The following EIF4G1 variants were observed in gnomAD, a reference collection of about 807,000 sequenced individuals.
EIF4G1 encodes the protein eukaryotic translation initiation factor 4 gamma 1.
A neutral mutation model predicts 187.8 loss-of-function variants in EIF4G1; 4 were observed. That is an observed-to-expected ratio of 0.02 (90% CI 0.01 to 0.05). The LOEUF is 0.05. Ranked by LOEUF, EIF4G1 falls within the 10% of genes least tolerant of loss-of-function variation. EIF4G1 has a pLI of 1.00. For missense variants in EIF4G1, 1,647 were observed against 2,081.1 expected (o/e 0.79, Z 4.06); for synonymous variants, 844 against 781.4 (o/e 1.08, Z -1.34).
chr3:184,327,164 A>T (rs745416104), intron 23 of EIF4G1, 52 bp from the exon 24 acceptor site: 4 of 1,606,402 alleles, frequency 2.5e-6, no homozygotes, highest in Non-Finnish European at 2.6e-6. Context: ...GTGTAATTAC[A>T]TGAGTGCCTG....
At chr3:184,331,433 G>A in intron 29 of EIF4G1, 39 bp from the exon 30 acceptor site, 1 of 1,614,162 alleles carries the variant, frequency 6.2e-7, no homozygotes, top group Non-Finnish European at 8.5e-7. Context: ...TCTCCTGTTG[G>A]CAACCTTACC....
At chr3:184,320,252 A>G in intron 7 of EIF4G1, 2 of 1,218,250 alleles carry the variant, frequency 1.6e-6, no homozygotes, top group Non-Finnish European at 2.1e-6. Context: ...GGCTCCACCT[A>G]CTGGATCTGG....
chr3:184,317,499 T>TGAGGCTG lies in EIF4G1; in HGVS notation c.324+4_324+10dup. On this transcript the variant is annotated splice_region_variant and intron_variant, in intron 5 of 32. Coordinates refer to ENST00000346169, the MANE Select transcript of EIF4G1 (RefSeq NM_198241.3). The stretch of plus-strand genomic sequence containing the variant: ...GGGGCCTACTACATCCCTGGACAGG[T>TGAGGCTG]GAGGCTGGGGGCTTGGAGCCTAGAA... 6.2e-7 allele frequency: 1 copy of TGAGGCTG among 1,613,868 alleles called. No homozygotes were observed. Among genetic ancestry groups the TGAGGCTG allele is most frequent in the Non-Finnish European group, 8.5e-7 (1 of 1,179,934 alleles).
In EIF4G1 at chr3:184,328,000, A is replaced by C. The variant is rs1725267488; in HGVS notation, c.3951A>C (p.Gln1317His). The C allele has an allele frequency of 1.9e-6, 3 of 1,604,852 alleles. No individual in the cohort carries two copies. Among genetic ancestry groups the C allele is most frequent in the Admixed American group, 1.7e-5 (1 of 60,006 alleles). The change falls in exon 26 of 33, where the codon CAA (glutamine) becomes CAC (histidine). Residue 1317 changes from glutamine (Q) to histidine (H), a missense_variant and splice_region_variant. This residue lies in a region of EIF4G1 where 543 missense variants were observed against 638.0 expected (regional missense o/e 0.85). Coordinates refer to ENST00000346169, the MANE Select transcript of EIF4G1 (RefSeq NM_198241.3). ...ATCTGTCTACTGCTCAGTACTACCAAGGGTATGACCAGCTTCTCTGGGCCT... is the reference window on the plus strand; with the variant it reads ...ATCTGTCTACTGCTCAGTACTACCACGGGTATGACCAGCTTCTCTGGGCCT... ...AGHLSTAQYY[Q>H]GLYEILELAE... is the part of the protein sequence containing the mutation.
rs1724118320 is a variant in EIF4G1 at position 184,322,634 on chromosome 3, C to T, written c.1699C>T (p.Pro567Ser). 4.3e-6 allele frequency: 7 copies of T among 1,614,152 alleles called. No individual in the cohort carries two copies. Among genetic ancestry groups the T allele is most frequent in the Non-Finnish European group, 5.9e-6 (7 of 1,180,034 alleles). ...ESEGSGVPPR[P>S]EEADETWDSK... ...TGAGGGCAGTGGTGTGCCCCCACGT[C>T]CTGAGGAAGCAGATGAGACCTGGGA... Residue 567 changes from proline (P) to serine (S), a missense_variant, in exon 12 of 33, where the codon CCT becomes TCT. Physicochemically the swap from Pro to Ser is moderately conservative, Grantham distance 74 (BLOSUM62 -1). Transcript: ENST00000346169.
Position 184,316,143 on chromosome 3 carries a change from C to T in EIF4G1, c.72C>T (p.Pro24=). 10 of 1,614,168 alleles carry T rather than the reference C, an allele frequency of 6.2e-6. No individual in the cohort carries two copies. Among genetic ancestry groups the T allele is most frequent in the Non-Finnish European group, 8.5e-6 (10 of 1,180,022 alleles). ...TCTCCCCTCTTCAGCCAGCGTTTCC[C>T]CCGGGGCAGACAGCGCCGGTGGTGT... ...PSPGLPQPAF[P]PGQTAPVVFS... The change falls in exon 4 of 33, where the codon CCC becomes CCT. Residue 24 remains proline (P), a synonymous_variant. Transcript: ENST00000346169.
chr3:184,314,999 G>T (rs1230359708), intron 1 of EIF4G1, among the ~76,000 whole-genome samples: 1 of 151,228 alleles, frequency 6.6e-6, no homozygotes, highest in Non-Finnish European at 1.5e-5. Context: ...CAGGCACCAC[G>T]GCTCCCGGCC....
At chr3:184,333,325 G>C (rs2108526914) in intron 32 of EIF4G1, among the ~76,000 whole-genome samples, 1 of 152,266 alleles carries the variant, frequency 6.6e-6, no homozygotes, top group Non-Finnish European at 1.5e-5. Flanking sequence ...GGGGTATCTG[G>C]GTCCTTTTGG....
At position 184,325,126 on chromosome 3, in the gene EIF4G1, T is replaced by C. The variant is rs776125176; in HGVS notation, c.2856+12T>C. ...TTGAAAAAGCCAAGGTAGAGGTCCTTGCATCTGGAGGGGGATGGGCTGAAG... is the reference window on the plus strand; with the variant it reads ...TTGAAAAAGCCAAGGTAGAGGTCCTCGCATCTGGAGGGGGATGGGCTGAAG... On this transcript the variant is annotated intron_variant, in intron 18 of 32. Coordinates refer to ENST00000346169, the MANE Select transcript of EIF4G1 (RefSeq NM_198241.3). This position sits in a 1 kb window ranked among gnomAD's most constrained non-coding sequence, Gnocchi z 5.2. The C allele has an allele frequency of 1.9e-6, 3 of 1,613,438 alleles. No homozygotes were observed. The highest frequency in any genetic ancestry group is 2.5e-6 in the Non-Finnish European group (3 of 1,179,570).
chr3:184,329,970 CT>C (rs1219862396), intron 28 of EIF4G1, among the ~76,000 whole-genome samples: 11 of 152,176 alleles, frequency 7.2e-5, no homozygotes, highest in Admixed American at 1.3e-4. Context: ...TCATTTAATT[CT>C]TTTAAATAGA....
intron 1 of EIF4G1, 49 bp from the exon 2 acceptor site, chr3:184,315,440 G>T: frequency 1.8e-6 from 1 of 569,530 alleles, no homozygotes; most frequent in Non-Finnish European, 3.4e-6. Context: ...GGTCTGGTTG[G>T]TCTGGGGCCC....
rs1354541658 is a variant in EIF4G1 at position 184,319,726 on chromosome 3, T to C, written c.462T>C (p.Phe154=). Residue 154 remains phenylalanine (F), a synonymous_variant, in exon 7 of 33, where the codon TTT becomes TTC. Coordinates refer to ENST00000346169, the MANE Select transcript of EIF4G1 (RefSeq NM_198241.3). Reference sequence around the variant, plus strand: ...ATCCAGCCCAAGGGGTGCAGCAGTTTCCCACTGGCGTGGCCCCCACCCCAG... The same window carrying C: ...ATCCAGCCCAAGGGGTGCAGCAGTTCCCCACTGGCGTGGCCCCCACCCCAG... ...AYYPAQGVQQ[F]PTGVAPTPVL... 1 of 1,606,500 alleles carries C rather than the reference T, an allele frequency of 6.2e-7. No homozygotes were observed. Among genetic ancestry groups the C allele is most frequent in the Admixed American group, 1.7e-5 (1 of 58,664 alleles).
In EIF4G1 at chr3:184,331,498, G is replaced by T; in HGVS notation, c.4287G>T (p.Glu1429Asp). 3 of 1,614,216 alleles carry T rather than the reference G, an allele frequency of 1.9e-6. No individual in the cohort carries two copies. The highest frequency in any genetic ancestry group is 2.5e-6 in the Non-Finnish European group (3 of 1,180,040). Residue 1429 changes from glutamate (E) to aspartate (D), a missense_variant, in exon 30 of 33, where the codon GAG becomes GAT. Physicochemically the swap from Glu to Asp is conservative, Grantham distance 45 (BLOSUM62 2). Around this residue, in one of 11 missense-constraint regions of EIF4G1, gnomAD observed 543 missense variants for 638.0 expected, o/e 0.85. Transcript: ENST00000346169. Reference sequence around the variant, plus strand: ...AGGTGGAGTATACCCTGGGAGAGGAGTCGGAAGCCCCTGGCCAGAGGGCAC... The same window carrying T: ...AGGTGGAGTATACCCTGGGAGAGGATTCGGAAGCCCCTGGCCAGAGGGCAC... ...EQKVEYTLGE[E>D]SEAPGQRALP...
At position 184,322,593 on chromosome 3, in the gene EIF4G1, A is replaced by T. The variant is rs373335441; in HGVS notation, c.1658A>T (p.Asn553Ile). The change falls in exon 12 of 33, where the codon AAT (asparagine) becomes ATT (isoleucine). Residue 553 changes from asparagine (N) to isoleucine (I), a missense_variant. Physicochemically the swap from Asn to Ile is moderately radical, Grantham distance 149. Transcript: ENST00000346169. ...EVENQPPAGS[N>I]PGPESEGSGV... is the part of the protein sequence containing the mutation. ...GAAAATCAGCCTCCTGCAGGCAGCA[A>T]TCCAGGCCCAGAGTCTGAGGGCAGT... 2 of 1,614,084 alleles carry T rather than the reference A, an allele frequency of 1.2e-6. No homozygotes were observed. The highest frequency in any genetic ancestry group is 2.7e-5 in the African/African-American group (2 of 74,944).
Position 184,323,857 on chromosome 3 carries a change from G to C in EIF4G1, c.2352G>C (p.Thr784=). 6.2e-7 allele frequency: 1 copy of C among 1,614,200 alleles called. No homozygotes were observed. Among genetic ancestry groups the C allele is most frequent in the South Asian group, 1.1e-5 (1 of 91,078 alleles). The part of the protein sequence containing the change: ...QMFQQLMKQV[T]QLAIDTEERL... ...TCCAGCAGCTGATGAAGCAAGTGAC[G>C]CAGCTGGCCATCGACACCGAGGAAC... The change falls in exon 16 of 33, where the codon ACG becomes ACC. Residue 784 remains threonine (T), a synonymous_variant. Transcript: ENST00000346169. The surrounding 1 kb of genome is among the most constrained non-coding windows in gnomAD (Gnocchi z 6.9).
At chr3:184,317,559 C>T (rs1412895395) in intron 5 of EIF4G1, 62 bp downstream of exon 5, 1 of 1,598,330 alleles carries the variant, frequency 6.3e-7, no homozygotes, top group African/African-American at 1.3e-5. Context: ...TTAACTCACC[C>T]TGACCCTCCA....
chr3:184,323,207 G>A lies in EIF4G1; in HGVS notation c.2054G>A (p.Arg685Lys). Residue 685 changes from arginine (R) to lysine (K), a missense_variant, in exon 14 of 33, where the codon AGG becomes AAG. Coordinates refer to ENST00000346169, the MANE Select transcript of EIF4G1 (RefSeq NM_198241.3). This position sits in a 1 kb window ranked among gnomAD's most constrained non-coding sequence, Gnocchi z 6.9. ...RTTLSTRGPP[R>K]GGPGGELPRG... is the part of the protein sequence containing the mutation. Reference sequence around the variant, plus strand: ...ACCCTTAGCACCCGTGGGCCCCCAAGGGGTGGGCCAGGTGGGGAGCTGCCC... The same window carrying A: ...ACCCTTAGCACCCGTGGGCCCCCAAAGGGTGGGCCAGGTGGGGAGCTGCCC... 1 of 1,614,220 alleles carries A rather than the reference G, an allele frequency of 6.2e-7. No homozygotes were observed. The highest frequency in any genetic ancestry group is 8.5e-7 in the Non-Finnish European group (1 of 1,180,032).
In EIF4G1 at chr3:184,324,236, T is replaced by A. The variant is rs749210299; in HGVS notation, c.2508T>A (p.Thr836=). 5.6e-6 allele frequency: 9 copies of A among 1,614,238 alleles called. No individual in the cohort carries two copies. The South Asian group carries it at 9.9e-5, about 18-fold the overall frequency. The change falls in exon 17 of 33, where the codon ACT becomes ACA. Residue 836 remains threonine, a synonymous_variant. Transcript: ENST00000346169. ...KVPTTEKPTV[T]VNFRKLLLNR... ...CCACTACGGAAAAGCCAACAGTGAC[T>A]GTGAACTTCCGAAAGCTGTTGTTGA... is the stretch of plus-strand genomic sequence containing the variant.
At position 184,317,192 on chromosome 3, in the gene EIF4G1, G is replaced by A. The variant is rs1457863679; in HGVS notation, c.148-129G>A. On this transcript the variant is annotated intron_variant, in intron 4 of 32. Transcript: ENST00000346169. ...CTTAGCCATTTGGTCAAGTGGTCTTGGAAGGATTGGTCGCCATGTTCTGAA... is the reference window on the plus strand; with the variant it reads ...CTTAGCCATTTGGTCAAGTGGTCTTAGAAGGATTGGTCGCCATGTTCTGAA... The A allele has an allele frequency of 3.1e-5, 34 of 1,107,752 alleles. No individual in the cohort carries two copies. The Admixed American group carries it at 5.4e-4, about 18-fold the overall frequency. The allele number at this position is 1,107,752 out of a possible 1,614,324, so 68.6% of individuals were successfully genotyped here.
Sources: gnomAD v4.1 joint callset for allele counts (sites outside exome capture counted in the v4.1 genomes callset) on GRCh38, gnomAD v4.1.1 for gene constraint, gnomAD v4.1.1 regional missense constraint, Gnocchi (gnomAD v3.1) non-coding constraint, MANE v1.5 for transcripts, NCBI Gene and HGNC (gene_info 2026-07-23, HGNC 2026-07-21) for gene names.